Variants in KCNT1 observed in about 807,000 individuals in gnomAD.
KCNT1 encodes the protein potassium channel subfamily T member 1.
Under a neutral mutation model 147.8 loss-of-function variants are expected in KCNT1, and 78 were observed. That is an observed-to-expected ratio of 0.53 (90% CI 0.44 to 0.64). The LOEUF (loss-of-function observed/expected upper bound fraction) is 0.64, where lower values mean the gene tolerates loss of function less well. Among genes scored for constraint, KCNT1 ranks in the 30% least tolerant of loss-of-function variants. The pLI, the probability that KCNT1 is intolerant of heterozygous loss-of-function variation, is 0.00. For missense variants in KCNT1, 1,419 were observed against 1,750.3 expected, an observed-to-expected ratio of 0.81 and a Z score of 3.38; for synonymous variants, 867 against 748.8, an observed-to-expected ratio of 1.16 and a Z score of -2.58.
At chr9:135,741,468 A>G (rs1030654495) in intron 2 of KCNT1, among the ~76,000 whole-genome samples, 3 of 152,234 alleles carry the variant, frequency 2.0e-5, no homozygotes, top group Non-Finnish European at 4.4e-5. Flanking sequence ...GTCCAGCGAG[A>G]GGGAAGCTGA....
intron 2 of KCNT1, among the ~76,000 whole-genome samples, chr9:135,742,050 G>C (rs1273992040): frequency 7.9e-5 from 12 of 152,216 alleles, no homozygotes; most frequent in Admixed American, 7.9e-4. Flanking sequence ...GGCCAGTCTG[G>C]GACAACTGGG....
intron 4 of KCNT1, among the ~76,000 whole-genome samples, chr9:135,753,513 C>G (rs1361298213): frequency 1.3e-5 from 2 of 152,158 alleles, no homozygotes; most frequent in African/African-American, 4.8e-5. Flanking sequence ...CACTGTCCAG[C>G]CTTGTTCAAG....
At chr9:135,751,136 G>C in intron 4 of KCNT1, 95 bp downstream of exon 4, 2 of 1,184,738 alleles carry the variant, frequency 1.7e-6, no homozygotes, top group Non-Finnish European at 1.2e-6. Flanking sequence ...CCCTGGGGGA[G>C]CCCCTGTGCC....
At chr9:135,747,148 G>A (rs1316816859) in intron 2 of KCNT1, among the ~76,000 whole-genome samples, 1 of 152,102 alleles carries the variant, frequency 6.6e-6, no homozygotes, top group Non-Finnish European at 1.5e-5. Flanking sequence ...GAACGGAGCG[G>A]AGGGGAGAAC....
intron 29 of KCNT1, 189 bp from the exon 30 acceptor site, chr9:135,791,608 T>C (rs1834533161): frequency 3.4e-6 from 2 of 583,878 alleles, no homozygotes; most frequent in South Asian, 3.8e-5. Context: ...CTGCCCTGTG[T>C]GGAGATGGGA....
chr9:135,786,684 G>A (rs1268129118), intron 29 of KCNT1, among the ~76,000 whole-genome samples, 163 bp downstream of exon 29: 1 of 152,268 alleles, frequency 6.6e-6, no homozygotes, highest in Non-Finnish European at 1.5e-5. Context: ...TGCCTCTACT[G>A]TGGGGCCAGC....
intron 15 of KCNT1, 51 bp from the exon 16 acceptor site, chr9:135,769,896 G>A (rs1397586841): frequency 7.4e-7 from 1 of 1,347,102 alleles, no homozygotes; most frequent in African/African-American, 1.5e-5. Flanking sequence ...CTGTGGGGGA[G>A]GAGAGAGCCG....
chr9:135,784,416 T>A (rs1800574451), intron 25 of KCNT1, 119 bp from the exon 26 acceptor site: 2 of 743,630 alleles, frequency 2.7e-6, no homozygotes, highest in Non-Finnish European at 4.6e-6. Context: ...GCATGAGGGG[T>A]GGCGAGCCCG....
chr9:135,748,620 C>T (rs920792269), intron 2 of KCNT1, among the ~76,000 whole-genome samples: 1 of 152,228 alleles, frequency 6.6e-6, no homozygotes, highest in Non-Finnish European at 1.5e-5. Context: ...TGGTGCTTAC[C>T]TCCCCCGACT....
At chr9:135,771,231 A>G in intron 18 of KCNT1, 136 bp downstream of exon 18, 3 of 767,294 alleles carry the variant, frequency 3.9e-6, no homozygotes, top group Non-Finnish European at 4.2e-6. Context: ...ACAGGAGACC[A>G]GGCAGGACAG....
At chr9:135,767,602 C>T (rs1039423396) in intron 13 of KCNT1, among the ~76,000 whole-genome samples, 1 of 151,978 alleles carries the variant, frequency 6.6e-6, no homozygotes, top group African/African-American at 2.4e-5. Context: ...GTGAATGTCT[C>T]ATGGCAACAT....
At chr9:135,715,154 G>A (rs555622005) in intron 2 of KCNT1, among the ~76,000 whole-genome samples, 4 of 152,330 alleles carry the variant, frequency 2.6e-5, no homozygotes, top group African/African-American at 9.6e-5. Context: ...ATTCAATGAG[G>A]GAGCTTGTCC....
intron 27 of KCNT1, 82 bp downstream of exon 27, chr9:135,784,971 G>A (rs906174435): frequency 1.3e-6 from 2 of 1,545,836 alleles, no homozygotes; most frequent in African/African-American, 2.7e-5. Context: ...CGGGGGCTGG[G>A]ACTGTGGCAG....
rs1193223032 is a variant in KCNT1 at position 135,792,091 on chromosome 9, G to A, written c.3638G>A (p.Ser1213Asn). The A allele has an allele frequency of 6.2e-7, 1 of 1,604,276 alleles. No individual in the cohort carries two copies. Among genetic ancestry groups the A allele is most frequent in the Non-Finnish European group, 8.5e-7 (1 of 1,179,508 alleles). Residue 1213 changes from serine to asparagine, a missense_variant, in exon 31 of 31, where the codon AGC becomes AAC. Ser to Asn is a conservative substitution (Grantham distance 46, BLOSUM62 1). Transcript: ENST00000371757. ...GCTCACGTGGCCAGCAGCTCCCAGA[G>A]CCGGAAGAGCAGCTGCAGCCACAAG... is the stretch of plus-strand genomic sequence containing the variant. ...PLAHVASSSQSRKSSCSHKLS... is the reference protein window; with the variant it reads ...PLAHVASSSQNRKSSCSHKLS...
chr9:135,777,846 A>ACTCTCCATTCCCAGCTC (rs1833284685), intron 21 of KCNT1, among the ~76,000 whole-genome samples: 1 of 120,650 alleles, frequency 8.3e-6, no homozygotes, highest in South Asian at 2.7e-4. Context: ...GTTCCCAGCT[A>ACTCTCCATTCCCAGCTC]CTCTCCATTC....
In KCNT1 at chr9:135,791,772, G is replaced by A. The variant is rs199841642; in HGVS notation, c.3503-25G>A. 1,943 of 1,609,100 alleles carry A rather than the reference G, an allele frequency of 1.2e-3. 5 individuals carry two copies. Among genetic ancestry groups the A allele is most frequent in the Non-Finnish European group, 1.5e-3 (1,745 of 1,176,034 alleles). ...GGAGGGGCAGGGCTGGGGGGGTGACGTCTGCCCGGCTGTGTCCTTTGCAGA... is the reference window on the plus strand; with the variant it reads ...GGAGGGGCAGGGCTGGGGGGGTGACATCTGCCCGGCTGTGTCCTTTGCAGA... On this transcript the variant is annotated intron_variant, in intron 29 of 30. Transcript: ENST00000371757.
At position 135,781,655 on chromosome 9, in the gene KCNT1, T is replaced by C. The variant is rs555794512; in HGVS notation, c.2841+2185T>C. Among the ~76,000 whole-genome samples the C allele has an allele frequency of 3.6e-5, 5 of 137,082 alleles. No individual in the cohort carries two copies. The East Asian group carries it at 1.1e-3, about 29-fold the overall frequency. The allele number at this position is 137,082 out of a possible 152,430, so 89.9% of individuals were successfully genotyped here. On this transcript the variant is annotated intron_variant, in intron 24 of 30. Transcript: ENST00000371757. ...TACTGAAAGTAAAAAAAAAAAAAAA[T>C]TGAAGAAAAGTTACCCCAAATCCCT...
At chr9:135,782,751 GTTC>G (rs1833701120) in intron 24 of KCNT1, among the ~76,000 whole-genome samples, 1 of 152,186 alleles carries the variant, frequency 6.6e-6, no homozygotes, top group African/African-American at 2.4e-5. Flanking sequence ...ATTGCAAGTT[GTTC>G]TGGAATTTCA....
At chr9:135,744,580 G>C (rs1041364731) in intron 2 of KCNT1, among the ~76,000 whole-genome samples, 2 of 152,250 alleles carry the variant, frequency 1.3e-5, no homozygotes, top group African/African-American at 4.8e-5. Flanking sequence ...ACTGGGGCAA[G>C]CGTGGGCCTC....
Sources: gnomAD v4.1 joint callset for allele counts (sites outside exome capture counted in the v4.1 genomes callset) on GRCh38, gnomAD v4.1.1 for gene constraint, MANE v1.5 for transcripts, NCBI Gene and HGNC (gene_info 2026-07-23, HGNC 2026-07-21) for gene names.